Variants in FANCM observed in about 807,000 individuals in gnomAD.
FANCM encodes the protein Fanconi anemia group M protein.
FANCM carries 140 observed loss-of-function variants against 199.5 expected under a neutral mutation model. That is an observed-to-expected ratio of 0.70 (90% CI 0.61 to 0.81). The LOEUF is 0.81. FANCM is among the 30% of genes least tolerant of loss of function. The pLI, the probability that FANCM is intolerant of heterozygous loss-of-function variation, is 0.00. For synonymous variants in FANCM, 840 were observed against 836.8 expected (o/e 1.00, Z -0.07); for missense variants, 2,410 against 2,421.4 (o/e 1.00, Z 0.10).
chr14:45,135,966 A>C lies in FANCM; in HGVS notation c.-66A>C. The C allele has an allele frequency of 2.6e-6, 4 of 1,566,082 alleles. No individual in the cohort carries two copies. Among genetic ancestry groups the C allele is most frequent in the Non-Finnish European group, 3.5e-6 (4 of 1,139,832 alleles). ...TGCGAAGGAAACCGATGGGGATCGG[A>C]ACCGTAGCGGTTGAGCTGCTGCTGC... On this transcript the variant is annotated 5_prime_UTR_variant, in exon 1 of 23. Transcript: ENST00000267430.
intron 3 of FANCM, among the ~76,000 whole-genome samples, chr14:45,141,978 T>G (rs1254793982): frequency 6.6e-6 from 1 of 152,092 alleles, no homozygotes; most frequent in Non-Finnish European, 1.5e-5. Context: ...TTTTAAATAG[T>G]AAAATGATTT....
At position 45,136,235 on chromosome 14, in the gene FANCM, G is replaced by A. The variant is rs1299873356; in HGVS notation, c.204G>A (p.Leu68=). 9 of 1,614,178 alleles carry A rather than the reference G, an allele frequency of 5.6e-6. No individual in the cohort carries two copies. The highest frequency in any genetic ancestry group is 3.3e-5 in the Admixed American group (2 of 60,008). Residue 68 remains leucine, a synonymous_variant, in exon 1 of 23, where the codon TTG becomes TTA. Coordinates refer to ENST00000267430, the MANE Select transcript of FANCM (RefSeq NM_020937.4). The part of the protein sequence containing the change: ...LVAAYEAERQ[L]CLENGGFCTS... ...CGGCGTACGAGGCTGAGCGGCAGTT[G>A]TGTCTAGAGAATGGCGGGTTCTGCA...
In FANCM at chr14:45,151,484, C is replaced by A. The variant is rs2139160369; in HGVS notation, c.1006C>A (p.Leu336Met). The stretch of plus-strand genomic sequence containing the variant: ...AAATCTAACAAAATATCAGATAATT[C>A]TGGCAAGAGATCAGTTTAGGAAAAA... Reference protein sequence around the residue: ...IPNLTKYQIILARDQFRKNPS... With the variant: ...IPNLTKYQIIMARDQFRKNPS... Residue 336 changes from leucine (L) to methionine (M), a missense_variant, in exon 5 of 23, where the codon CTG becomes ATG. Physicochemically the swap from Leu to Met is conservative, Grantham distance 15. Coordinates refer to ENST00000267430, the MANE Select transcript of FANCM (RefSeq NM_020937.4). 1 of 1,612,360 alleles carries A rather than the reference C, an allele frequency of 6.2e-7. No homozygotes were observed. Among genetic ancestry groups the A allele is most frequent in the Non-Finnish European group, 8.5e-7 (1 of 1,178,546 alleles).
In FANCM at chr14:45,176,061, C is replaced by T. The variant is rs2139247423; in HGVS notation, c.3307C>T (p.His1103Tyr). Reference sequence around the variant, plus strand: ...AGTACCTAACAATCGTGTTCAAATACACAGAAGCCCTGCACAGAATTTAGT... The same window carrying T: ...AGTACCTAACAATCGTGTTCAAATATACAGAAGCCCTGCACAGAATTTAGT... ...NLVPNNRVQI[H>Y]RSPAQNLVGE... Residue 1103 changes from histidine (H) to tyrosine (Y), a missense_variant, in exon 14 of 23, where the codon CAC (histidine) becomes TAC (tyrosine). Transcript: ENST00000267430. 2 of 1,613,986 alleles carry T rather than the reference C, an allele frequency of 1.2e-6. No individual in the cohort carries two copies. The highest frequency in any genetic ancestry group is 1.1e-5 in the South Asian group (1 of 91,074).
intron 10 of FANCM, among the ~76,000 whole-genome samples, chr14:45,166,009 C>T (rs923633676): frequency 6.6e-6 from 1 of 152,132 alleles, no homozygotes; most frequent in South Asian, 2.1e-4. Flanking sequence ...GACAACCTTA[C>T]ACTTCTATGT....
Position 45,200,126 on chromosome 14 carries a change from A to G in FANCM, c.*118A>G, listed in dbSNP as rs1890283817. 1 of 385,228 alleles carries G rather than the reference A, an allele frequency of 2.6e-6. No individual in the cohort carries two copies. Among genetic ancestry groups the G allele is most frequent in the African/African-American group, 2.2e-5 (1 of 46,368 alleles). 23.9% of individuals were successfully genotyped at this position (385,228 alleles called of 1,614,324 possible). On this transcript the variant is annotated 3_prime_UTR_variant, in exon 23 of 23. Transcript: ENST00000267430. ...AGAATATTTTATTTAAATATTTTAT[A>G]TTGTATACATTTTTATTTATAGATT...
intron 6 of FANCM, 63 bp from the exon 7 acceptor site, chr14:45,154,634 T>C (rs1335588714): frequency 8.9e-7 from 1 of 1,125,634 alleles, no homozygotes; most frequent in African/African-American, 1.6e-5. Context: ...TTCTTTTTAA[T>C]AAATAATACA....
intron 8 of FANCM, among the ~76,000 whole-genome samples, chr14:45,156,649 G>A (rs1347415841): frequency 6.6e-6 from 1 of 152,124 alleles, no homozygotes; most frequent in Non-Finnish European, 1.5e-5. Flanking sequence ...GCCAGGTGCA[G>A]TGGCTCACAC....
chr14:45,151,458 C>T lies in FANCM; in HGVS notation c.980C>T (p.Pro327Leu), dbSNP rs879849364. 2.5e-6 allele frequency: 4 copies of T among 1,611,764 alleles called. No individual in the cohort carries two copies. The highest frequency in any genetic ancestry group is 3.3e-5 in the Admixed American group (2 of 59,970). ...QRNVLMRRDI[P>L]NLTKYQIILA... ...AATGTTTTGATGAGAAGGGATATCC[C>T]AAATCTAACAAAATATCAGATAATT... The change falls in exon 5 of 23, where the codon CCA (proline) becomes CTA (leucine). Residue 327 changes from proline to leucine, a missense_variant. By Grantham distance (98) the Pro-to-Leu change is moderately conservative. Transcript: ENST00000267430.
chr14:45,172,016 C>T (rs1888374463), intron 12 of FANCM, among the ~76,000 whole-genome samples: 2 of 152,054 alleles, frequency 1.3e-5, no homozygotes, highest in Non-Finnish European at 2.9e-5. Context: ...TCCACTCCAA[C>T]ATCTATTATT....
At chr14:45,146,027 C>G (rs941675969) in intron 3 of FANCM, among the ~76,000 whole-genome samples, 5 of 146,158 alleles carry the variant, frequency 3.4e-5, no homozygotes, top group African/African-American at 5.1e-5. Context: ...CCACTGCACT[C>G]CAGCCTGGGC....
At chr14:45,141,780 G>A (rs367605699) in intron 3 of FANCM, among the ~76,000 whole-genome samples, 2 of 151,496 alleles carry the variant, frequency 1.3e-5, no homozygotes, top group South Asian at 2.1e-4. Context: ...AGTAGACACG[G>A]GGTTTCACCA....
At position 45,154,767 on chromosome 14, in the gene FANCM, T is replaced by C; in HGVS notation, c.1254T>C (p.Cys418=). The change falls in exon 7 of 23, where the codon TGT becomes TGC. Residue 418 remains cysteine, a synonymous_variant. Transcript: ENST00000267430. ...DFMKLYNHLE[C]MFARTRSTSA... is the part of the protein sequence containing the mutation. ...TGAAACTCTATAATCATCTAGAGTG[T>C]ATGTTTGCACGTACACGTAGTACTT... 1 of 1,606,360 alleles carries C rather than the reference T, an allele frequency of 6.2e-7. No individual in the cohort carries two copies. The highest frequency in any genetic ancestry group is 8.5e-7 in the Non-Finnish European group (1 of 1,174,258).
chr14:45,198,571 A>T, intron 21 of FANCM, 73 bp from the exon 22 acceptor site: 1 of 962,288 alleles, frequency 1.0e-6, no homozygotes, highest in Non-Finnish European at 1.5e-6. Flanking sequence ...GATTTTAATA[A>T]AATAAAGTAT....
At position 45,146,007 on chromosome 14, in the gene FANCM, C is replaced by T. The variant is rs371752855; in HGVS notation, c.760-2830C>T. 2.9e-3 allele frequency among the ~76,000 whole-genome samples: 422 copies of T among 145,042 alleles called. 3 individuals carry two copies. Among genetic ancestry groups the T allele is most frequent in the Admixed American group, 0.021 (298 of 14,506 alleles). On this transcript the variant is annotated intron_variant, in intron 3 of 22. Coordinates refer to ENST00000267430, the MANE Select transcript of FANCM (RefSeq NM_020937.4). ...CCGGGAGGCGGAGCTTGCAGTGAGC[C>T]GAGATCCCGCCACTGCACTCCAGCC...
chr14:45,195,058 A>G (rs1594479306), intron 20 of FANCM, among the ~76,000 whole-genome samples: 1 of 152,246 alleles, frequency 6.6e-6, no homozygotes, highest in East Asian at 1.9e-4. Flanking sequence ...TATTTTTATT[A>G]CTACCAGCAC....
chr14:45,171,243 A>C (rs979614992), intron 12 of FANCM, among the ~76,000 whole-genome samples: 3 of 151,762 alleles, frequency 2.0e-5, no homozygotes, highest in African/African-American at 7.3e-5. Flanking sequence ...AGTAGCTGGG[A>C]CTATAAGTGT....
At chr14:45,196,066 C>T (rs144590257) in intron 20 of FANCM, 106 bp from the exon 21 acceptor site, 87 of 1,220,548 alleles carry the variant, frequency 7.1e-5, no homozygotes, top group East Asian at 6.3e-4. Context: ...AATTGAAGGA[C>T]GAAAACTGGA....
intron 3 of FANCM, 63 bp downstream of exon 3, chr14:45,140,772 G>T: frequency 1.0e-6 from 1 of 990,986 alleles, no homozygotes; most frequent in South Asian, 1.3e-5. Flanking sequence ...CAGGTGCAGT[G>T]AGTCATACCT....
Sources: allele counts gnomAD v4.1 joint callset (sites outside exome capture counted in the v4.1 genomes callset), GRCh38; gene constraint gnomAD v4.1.1; transcripts MANE v1.5; gene names NCBI Gene and HGNC (gene_info 2026-07-23, HGNC 2026-07-21).